Variants in FBXO28 observed in about 807,000 individuals in gnomAD.
The protein encoded by FBXO28 is F-box only protein 28.
Under a neutral mutation model 38.1 loss-of-function variants are expected in FBXO28, and 8 were observed. That is an observed-to-expected ratio of 0.21 (90% CI 0.12 to 0.38). The LOEUF is 0.38. FBXO28 is among the 10% of genes least tolerant of loss of function. FBXO28 has a pLI of 1.00. For synonymous variants in FBXO28, 168 were observed against 173.8 expected, an observed-to-expected ratio of 0.97 and a Z score of 0.26; for missense variants, 345 against 460.6, an observed-to-expected ratio of 0.75 and a Z score of 2.30.
intron 3 of FBXO28, among the ~76,000 whole-genome samples, chr1:224,152,522 T>A (rs1328118148): frequency 6.6e-6 from 1 of 152,178 alleles, no homozygotes; most frequent in Non-Finnish European, 1.5e-5. Context: ...CACACATATC[T>A]CCCCAGTTAC....
intron 1 of FBXO28, among the ~76,000 whole-genome samples, chr1:224,123,977 G>T (rs1173883704): frequency 6.6e-6 from 1 of 152,100 alleles, no homozygotes. Flanking sequence ...GGGCGTGGTG[G>T]GAGGTGCCTA....
chr1:224,124,811 C>G (rs1166114774), intron 1 of FBXO28, among the ~76,000 whole-genome samples: 1 of 152,096 alleles, frequency 6.6e-6, no homozygotes, highest in Non-Finnish European at 1.5e-5. Flanking sequence ...CTCACTGCAA[C>G]CTTCACCTCA....
intron 3 of FBXO28, among the ~76,000 whole-genome samples, chr1:224,139,026 G>T (rs1042373524): frequency 6.6e-6 from 1 of 151,512 alleles, no homozygotes; most frequent in Non-Finnish European, 1.5e-5. Flanking sequence ...CTTGTGATGC[G>T]CCCACCTTAG....
At chr1:224,127,408 T>TCTGTTAAACCA (rs1159848411) in intron 1 of FBXO28, among the ~76,000 whole-genome samples, 12 of 152,138 alleles carry the variant, frequency 7.9e-5, no homozygotes, top group African/African-American at 2.7e-4. Context: ...TGACCTGTGT[T>TCTGTTAAACCA]CTGTTAAACC....
At position 224,159,355 on chromosome 1, in the gene FBXO28, A is replaced by G. The variant is rs2102639788; in HGVS notation, c.*1609A>G. On this transcript the variant is annotated 3_prime_UTR_variant, in exon 5 of 5. Transcript: ENST00000366862. ...TCCTTTAGATTAACCTCACCAAATG[A>G]AGCTTTTTCTATCCATTTTTAATAT... 6.6e-6 allele frequency: 1 copy of G among 152,352 alleles called. No homozygotes were observed. The highest frequency in any genetic ancestry group is 3.4e-3 in the Middle Eastern group (1 of 294). 9.4% of individuals were successfully genotyped at this position (152,352 alleles called of 1,614,324 possible).
intron 3 of FBXO28, among the ~76,000 whole-genome samples, chr1:224,152,570 T>G (rs377214271): frequency 3.3e-5 from 5 of 152,178 alleles, no homozygotes; most frequent in African/African-American, 1.2e-4. Context: ...TTTATTTTAT[T>G]CATCCTGATT....
At chr1:224,126,554 G>A (rs558659782) in intron 1 of FBXO28, among the ~76,000 whole-genome samples, 16 of 152,296 alleles carry the variant, frequency 1.1e-4, no homozygotes, top group South Asian at 1.0e-3. Context: ...AGTGCTCAAC[G>A]CCTGTGAACC....
rs542203123 is a variant in FBXO28 at position 224,149,703 on chromosome 1, TG to T, written c.517-3437del. ...CTGTCATAGAGTTTACTACATTATATGGAAGATAGAAATTAACAAAAAGATG... is the reference window on the plus strand; with the variant it reads ...CTGTCATAGAGTTTACTACATTATATGAAGATAGAAATTAACAAAAAGATG... On this transcript the variant is annotated intron_variant, in intron 3 of 4. Transcript: ENST00000366862. Among the ~76,000 whole-genome samples, 751 of 152,290 alleles carry T rather than the reference TG, an allele frequency of 4.9e-3. 6 individuals are homozygous for T. The highest frequency in any genetic ancestry group is 6.5e-3 in the Non-Finnish European group (444 of 68,018).
intron 3 of FBXO28, among the ~76,000 whole-genome samples, chr1:224,146,044 C>A (rs1293680339): frequency 7.1e-6 from 1 of 141,442 alleles, no homozygotes; most frequent in African/African-American, 2.7e-5. Flanking sequence ...CCAGCCTGGG[C>A]AACAATAGCG....
intron 2 of FBXO28, among the ~76,000 whole-genome samples, chr1:224,132,364 AAACCACTAC>A (rs1310985859): frequency 6.6e-6 from 1 of 152,248 alleles, no homozygotes; most frequent in Non-Finnish European, 1.5e-5. Context: ...ATGCAAATCA[AAACCACTAC>A]GAGATTTATA....
intron 4 of FBXO28, 108 bp from the exon 5 acceptor site, chr1:224,157,244 A>ATT: frequency 7.4e-7 from 1 of 1,343,678 alleles, no homozygotes; most frequent in Non-Finnish European, 1.0e-6. Context: ...AAGAAGAAGA[A>ATT]ATTATCAGAA....
intron 3 of FBXO28, among the ~76,000 whole-genome samples, chr1:224,142,716 A>G (rs1450175155): frequency 5.3e-5 from 8 of 152,036 alleles, no homozygotes; most frequent in Non-Finnish European, 1.2e-4. Flanking sequence ...TCGGGAGGCC[A>G]AGGCAGGTGG....
rs542399499 is a variant in FBXO28 at position 224,120,500 on chromosome 1, G to A, written c.267+6104G>A. Among the ~76,000 whole-genome samples the A allele has an allele frequency of 1.8e-4, 28 of 152,280 alleles. No individual in the cohort carries two copies. In the South Asian group the frequency reaches 4.8e-3, roughly 26 times the overall value. On this transcript the variant is annotated intron_variant, in intron 1 of 4. Transcript: ENST00000366862. Reference sequence around the variant, plus strand: ...GTCTGTGATGCAATATAAGTACTCAGTAATTATTGAATAAATGAAGTAGCT... The same window carrying A: ...GTCTGTGATGCAATATAAGTACTCAATAATTATTGAATAAATGAAGTAGCT...
intron 3 of FBXO28, among the ~76,000 whole-genome samples, chr1:224,148,047 A>G (rs1279623397): frequency 1.3e-5 from 2 of 152,196 alleles, no homozygotes; most frequent in African/African-American, 4.8e-5. Context: ...AATTTTATTG[A>G]AAACATAGAT....
intron 3 of FBXO28, among the ~76,000 whole-genome samples, chr1:224,148,949 A>C (rs182238568): frequency 1.1e-3 from 163 of 152,272 alleles, no homozygotes; most frequent in Admixed American, 1.9e-3. Context: ...TTATACATTG[A>C]ACTTATTACA....
intron 3 of FBXO28, among the ~76,000 whole-genome samples, chr1:224,144,153 C>CA (rs34850766): frequency 0.95 from 129,643 of 137,078 alleles, 61,517 homozygotes; most frequent in Non-Finnish European, 0.99. Flanking sequence ...AACTATGTCT[C>CA]AAAAAAAAAA....
chr1:224,114,116 A>C lies in FBXO28; in HGVS notation c.-14A>C, dbSNP rs376734802. 17 of 1,530,486 alleles carry C rather than the reference A, an allele frequency of 1.1e-5. No homozygotes were observed. The highest frequency in any genetic ancestry group is 2.3e-4 in the Middle Eastern group (1 of 4,402). The allele number at this position is 1,530,486 out of a possible 1,614,324, so 94.8% of individuals were successfully genotyped here. A position where few individuals can be genotyped will look rare whatever the true frequency, so the allele number is the denominator to read the frequency against. ...GTTCCCCTTGCTGTGGGGGTAAGGA[A>C]TCAAGCCCCCAAGATGGCGGCAGCG... On this transcript the variant is annotated 5_prime_UTR_variant, in exon 1 of 5. Transcript: ENST00000366862.
intron 3 of FBXO28, among the ~76,000 whole-genome samples, chr1:224,137,575 G>A (rs1381678040): frequency 1.3e-5 from 2 of 151,776 alleles, no homozygotes; most frequent in African/African-American, 4.9e-5. Flanking sequence ...AGAATGGTGA[G>A]ATTAGGGGAG....
Position 224,155,054 on chromosome 1 carries a change from TAATA to T in FBXO28, c.712+1718_712+1721del, listed in dbSNP as rs1304113273. Among the ~76,000 whole-genome samples, 5 of 152,266 alleles carry T rather than the reference TAATA, an allele frequency of 3.3e-5. No homozygotes were observed. In the East Asian group the frequency reaches 9.6e-4, roughly 29 times the overall value. The stretch of plus-strand genomic sequence containing the variant: ...GTATTTTTTTATGTTTCTGATGAAT[TAATA>T]TTCATTTTTTAAAAAACAAATATAC... On this transcript the variant is annotated intron_variant, in intron 4 of 4. Transcript: ENST00000366862.
Sources: allele counts gnomAD v4.1 joint callset (sites outside exome capture counted in the v4.1 genomes callset), GRCh38; gene constraint gnomAD v4.1.1; transcripts MANE v1.5; gene names NCBI Gene and HGNC (gene_info 2026-07-23, HGNC 2026-07-21).